Variants in FBN2 observed in about 807,000 individuals in gnomAD.
FBN2 encodes fibrillin-2.
FBN2 carries 105 observed loss-of-function variants against 355.6 expected under a neutral mutation model. The observed-to-expected ratio is 0.30, with a 90% CI of 0.25 to 0.35. The LOEUF (loss-of-function observed/expected upper bound fraction) is 0.35, where lower values mean the gene tolerates loss of function less well. Ranked by LOEUF, FBN2 falls within the 10% of genes least tolerant of loss-of-function variation. The pLI is 1.00. For synonymous variants in FBN2, 1,350 were observed against 1,301.2 expected, an observed-to-expected ratio of 1.04 and a Z score of -0.81; for missense variants, 3,280 against 3,758.7, an observed-to-expected ratio of 0.87 and a Z score of 3.33.
chr5:128,382,863 C>A (rs941798548), intron 11 of FBN2, among the ~76,000 whole-genome samples: 19 of 151,960 alleles, frequency 1.3e-4, no homozygotes, highest in African/African-American at 3.9e-4. Context: ...TACTAGCTGG[C>A]GTTTTTGTTC....
At chr5:128,528,708 C>T (rs545019158) in intron 3 of FBN2, among the ~76,000 whole-genome samples, 1 of 152,238 alleles carries the variant, frequency 6.6e-6, no homozygotes, top group African/African-American at 2.4e-5. Context: ...AGGGCCTCCT[C>T]GGCCACCGAA....
chr5:128,457,200 T>A (rs1754417027), intron 6 of FBN2, among the ~76,000 whole-genome samples: 1 of 151,998 alleles, frequency 6.6e-6, no homozygotes, highest in Non-Finnish European at 1.5e-5. Flanking sequence ...AGAAAGGATA[T>A]CAGAGTCTTA....
chr5:128,323,053 C>A (rs1750430388), intron 34 of FBN2, among the ~76,000 whole-genome samples: 1 of 152,098 alleles, frequency 6.6e-6, no homozygotes, highest in Non-Finnish European at 1.5e-5. Context: ...GGAGTTCACT[C>A]ATGATTTGGC....
chr5:128,480,051 C>A (rs1477972014), intron 5 of FBN2, among the ~76,000 whole-genome samples: 5 of 120,814 alleles, frequency 4.1e-5, no homozygotes, highest in Non-Finnish European at 6.9e-5. Context: ...CACACATATT[C>A]TATGTATATA....
intron 5 of FBN2, among the ~76,000 whole-genome samples, chr5:128,475,258 C>T (rs1233685782): frequency 6.6e-6 from 1 of 152,164 alleles, no homozygotes; most frequent in Non-Finnish European, 1.5e-5. Flanking sequence ...TTATTTTATA[C>T]AGCCTGAAAA....
chr5:128,533,467 C>T (rs1439956430), intron 2 of FBN2, among the ~76,000 whole-genome samples: 1 of 152,182 alleles, frequency 6.6e-6, no homozygotes, highest in African/African-American at 2.4e-5. Flanking sequence ...ACGTCCCTCC[C>T]ACAATTACTA....
chr5:128,374,611 T>C lies in FBN2; in HGVS notation c.2095+17A>G, dbSNP rs748974748. On this transcript the variant is annotated intron_variant, in intron 15 of 64. Coordinates refer to ENST00000262464, the MANE Select transcript of FBN2 (RefSeq NM_001999.4). Reference sequence around the variant, plus strand: ...ATCATTTTGCACAGTGGGGCCATTATAAAATGTTTCACTTACCAACACACA... The same window carrying C: ...ATCATTTTGCACAGTGGGGCCATTACAAAATGTTTCACTTACCAACACACA... 10 of 1,613,864 alleles carry C rather than the reference T, an allele frequency of 6.2e-6. No individual in the cohort carries two copies. Among genetic ancestry groups the C allele is most frequent in the Non-Finnish European group, 7.6e-6 (9 of 1,179,808 alleles).
intron 25 of FBN2, among the ~76,000 whole-genome samples, chr5:128,341,906 T>C (rs1168439271): frequency 6.6e-6 from 1 of 152,184 alleles, no homozygotes; most frequent in Non-Finnish European, 1.5e-5. Flanking sequence ...CTTTTTCACT[T>C]TGGGAGAGAG....
intron 5 of FBN2, among the ~76,000 whole-genome samples, chr5:128,482,675 T>C (rs562228874): frequency 2.2e-4 from 33 of 152,318 alleles, no homozygotes; most frequent in Middle Eastern, 6.8e-3. Flanking sequence ...AGAATTGCTA[T>C]ATTAATATTC....
intron 48 of FBN2, among the ~76,000 whole-genome samples, chr5:128,293,214 G>A (rs1749380369): frequency 6.6e-6 from 1 of 152,210 alleles, no homozygotes; most frequent in South Asian, 2.1e-4. Context: ...ATCTTACAGT[G>A]AAGTAAGTTA....
intron 15 of FBN2, among the ~76,000 whole-genome samples, chr5:128,372,642 C>T (rs886419874): frequency 1.3e-5 from 2 of 152,136 alleles, no homozygotes; most frequent in East Asian, 3.9e-4. Context: ...TAGGCACATG[C>T]CACCATGCCT....
chr5:128,458,029 G>A (rs1466977924), intron 6 of FBN2, among the ~76,000 whole-genome samples: 3 of 152,066 alleles, frequency 2.0e-5, no homozygotes, highest in Non-Finnish European at 2.9e-5. Flanking sequence ...AACTGGATAA[G>A]CTGTCAAGAC....
chr5:128,536,579 T>C, intron 1 of FBN2, 95 bp from the exon 2 acceptor site: 1 of 842,106 alleles, frequency 1.2e-6, no homozygotes, highest in East Asian at 2.6e-5. Context: ...CGAGTAGATT[T>C]CAGGACAACA....
intron 6 of FBN2, among the ~76,000 whole-genome samples, chr5:128,447,316 C>T (rs901300449): frequency 7.9e-5 from 12 of 152,252 alleles, no homozygotes; most frequent in Admixed American, 3.9e-4. Flanking sequence ...GGAGAAATAT[C>T]GCTGAATTCG....
intron 6 of FBN2, among the ~76,000 whole-genome samples, chr5:128,448,407 A>G (rs1331112129): frequency 6.6e-6 from 1 of 151,872 alleles, no homozygotes; most frequent in Non-Finnish European, 1.5e-5. Context: ...CCCAGGTTCA[A>G]GCGATTCTCC....
chr5:128,402,724 G>A (rs1460131357), intron 8 of FBN2, among the ~76,000 whole-genome samples: 1 of 152,162 alleles, frequency 6.6e-6, no homozygotes, highest in East Asian at 1.9e-4. Context: ...GTAGGTGTTC[G>A]GTAAATAGCA....
intron 4 of FBN2, among the ~76,000 whole-genome samples, chr5:128,522,728 T>G (rs1464132325): frequency 6.6e-6 from 1 of 152,122 alleles, no homozygotes; most frequent in Non-Finnish European, 1.5e-5. Context: ...ATGAAAGGTA[T>G]TTTACAAAAG....
At chr5:128,486,081 T>C (rs1159434146) in intron 5 of FBN2, among the ~76,000 whole-genome samples, 1 of 152,220 alleles carries the variant, frequency 6.6e-6, no homozygotes, top group East Asian at 1.9e-4. Context: ...ATCTCATTAA[T>C]GCCCATATAT....
intron 36 of FBN2, among the ~76,000 whole-genome samples, chr5:128,316,109 A>T (rs1257989431): frequency 6.6e-6 from 1 of 152,222 alleles, no homozygotes; most frequent in Non-Finnish European, 1.5e-5. Flanking sequence ...AGAAGATTTC[A>T]AGTAAGGTGT....
Sources: gnomAD v4.1 joint callset for allele counts (sites outside exome capture counted in the v4.1 genomes callset) on GRCh38, gnomAD v4.1.1 for gene constraint, MANE v1.5 for transcripts, NCBI Gene and HGNC (gene_info 2026-07-23, HGNC 2026-07-21) for gene names.